The following USP40 variants were observed in gnomAD, a reference collection of about 807,000 sequenced individuals.
The protein encoded by USP40 is ubiquitin specific peptidase 40.
Under a neutral mutation model 166.2 loss-of-function variants are expected in USP40, and 143 were observed. The ratio of observed to expected loss-of-function variants is 0.86; its 90% CI spans 0.75 to 0.99. USP40 has a LOEUF of 0.99. Among genes scored for constraint, USP40 ranks in the 50% least tolerant of loss-of-function variants. The pLI is 0.00. For missense variants in USP40, 1,444 were observed against 1,479.7 expected, an observed-to-expected ratio of 0.98 and a Z score of 0.40; for synonymous variants, 498 against 524.0, an observed-to-expected ratio of 0.95 and a Z score of 0.68.
At position 233,564,739 on chromosome 2, in the gene USP40, G is replaced by A. The variant is rs2071981360; in HGVS notation, c.199+617C>T. The stretch of plus-strand genomic sequence containing the variant: ...ATATAAAATGTTACATTCCCAGCAG[G>A]GTCTGGGCCAGCTTCCATTAATCAA... On this transcript the variant is annotated intron_variant, in intron 2 of 31. Coordinates refer to ENST00000678225, the MANE Select transcript of USP40 (RefSeq NM_001365479.2). Among the ~76,000 whole-genome samples, 3 of 152,000 alleles carry A rather than the reference G, an allele frequency of 2.0e-5. No individual in the cohort carries two copies. The South Asian group carries it at 6.2e-4, about 32-fold the overall frequency.
intron 18 of USP40, among the ~76,000 whole-genome samples, chr2:233,515,076 G>A (rs1036259766): frequency 1.3e-5 from 2 of 152,182 alleles, no homozygotes; most frequent in African/African-American, 4.8e-5. Context: ...GTTGTATGTG[G>A]TGGAACTAGC....
rs774225087 is a variant in USP40 at position 233,485,808 on chromosome 2, A to T, written c.3367T>A (p.Tyr1123Asn). 2.5e-6 allele frequency: 4 copies of T among 1,612,170 alleles called. No individual in the cohort carries two copies. The South Asian group carries it at 4.4e-5, about 18-fold the overall frequency. Residue 1123 changes from tyrosine to asparagine, a missense_variant, in exon 29 of 32, where the codon TAC becomes AAC. Physicochemically the swap from Tyr to Asn is moderately radical, Grantham distance 143. Transcript: ENST00000678225. ...LPVEKIEIAK[Y>N]FPEKFEWLPI... ...AGCCACTCGAACTTTTCGGGAAAGT[A>T]TTTGGCAATTTCAATCTTCTCCACG...
chr2:233,540,648 A>G lies in USP40; in HGVS notation c.1170+14T>C, dbSNP rs2069318857. 6.4e-7 allele frequency: 1 copy of G among 1,572,326 alleles called. No homozygotes were observed. The highest frequency in any genetic ancestry group is 8.7e-7 in the Non-Finnish European group (1 of 1,147,348). On this transcript the variant is annotated intron_variant, in intron 10 of 31. Coordinates refer to ENST00000678225, the MANE Select transcript of USP40 (RefSeq NM_001365479.2). The stretch of plus-strand genomic sequence containing the variant: ...CTTGGGACTAGGACTTCCCAAAACG[A>G]TGCCATGTATTACCTTCCGCAGTGG...
chr2:233,477,562 G>A (rs1408989805), intron 31 of USP40, 59 bp from the exon 32 acceptor site: 1 of 1,451,112 alleles, frequency 6.9e-7, no homozygotes, highest in South Asian at 1.2e-5. Flanking sequence ...AGGGTGAGGG[G>A]TTCACGAAGA....
chr2:233,508,553 T>C (rs1286979477), intron 21 of USP40, among the ~76,000 whole-genome samples: 2 of 152,226 alleles, frequency 1.3e-5, no homozygotes, highest in Non-Finnish European at 2.9e-5. Flanking sequence ...ATGGGTATTG[T>C]TCTGAATTTC....
intron 7 of USP40, among the ~76,000 whole-genome samples, chr2:233,550,654 T>C (rs1045270412): frequency 3.3e-5 from 5 of 152,170 alleles, no homozygotes; most frequent in African/African-American, 1.2e-4. Flanking sequence ...AATAAACATA[T>C]AAGAATGATT....
chr2:233,520,914 G>C, intron 17 of USP40, 77 bp downstream of exon 17: 1 of 1,492,376 alleles, frequency 6.7e-7, no homozygotes, highest in Non-Finnish European at 9.0e-7. Context: ...TGTTCTGAAA[G>C]ATTAAGGTAT....
intron 24 of USP40, among the ~76,000 whole-genome samples, chr2:233,496,287 G>C (rs918790083): frequency 6.6e-6 from 1 of 152,214 alleles, no homozygotes; most frequent in Non-Finnish European, 1.5e-5. Flanking sequence ...AAAGGGCAGT[G>C]AAATGAGCCC....
intron 10 of USP40, among the ~76,000 whole-genome samples, chr2:233,534,233 C>G (rs2068773020): frequency 6.6e-6 from 1 of 152,146 alleles, no homozygotes; most frequent in African/African-American, 2.4e-5. Context: ...TATCTTTTAA[C>G]CTGGACTAAA....
intron 8 of USP40, among the ~76,000 whole-genome samples, chr2:233,547,983 A>G (rs1374977152): frequency 6.6e-6 from 1 of 152,156 alleles, no homozygotes; most frequent in Admixed American, 6.6e-5. Context: ...TTACAAAGCT[A>G]TGGAAATTGA....
intron 21 of USP40, among the ~76,000 whole-genome samples, chr2:233,509,188 T>A (rs1291227912): frequency 6.6e-6 from 1 of 152,180 alleles, no homozygotes; most frequent in African/African-American, 2.4e-5. Context: ...GAAAAAAAAT[T>A]TTTTAAGAAA....
chr2:233,563,815 T>C (rs1383859332), intron 2 of USP40, among the ~76,000 whole-genome samples: 4 of 152,168 alleles, frequency 2.6e-5, no homozygotes, highest in South Asian at 2.1e-4. Flanking sequence ...TGTCAAATCA[T>C]ATGCTTGGCC....
Position 233,566,745 on chromosome 2 carries a change from G to C in USP40, c.-81C>G, listed in dbSNP as rs1241398367. The stretch of plus-strand genomic sequence containing the variant: ...GAAGCGAACGAACCCGCCCCAACTG[G>C]GCGCCGCCATGTTGGCGAGGGCGGG... On this transcript the variant is annotated 5_prime_UTR_variant, in exon 1 of 32. Transcript: ENST00000678225. The C allele has an allele frequency of 1.4e-5, 14 of 985,964 alleles. No individual in the cohort carries two copies. Among genetic ancestry groups the C allele is most frequent in the Non-Finnish European group, 1.7e-5 (14 of 829,982 alleles). 61.1% of individuals were successfully genotyped at this position (985,964 alleles called of 1,614,324 possible). A position where few individuals can be genotyped will look rare whatever the true frequency, so the allele number is the denominator to read the frequency against.
rs577404037 is a variant in USP40 at position 233,493,387 on chromosome 2, A to C, written c.2917+38T>G. The C allele has an allele frequency of 6.8e-6, 11 of 1,613,846 alleles. No homozygotes were observed. The East Asian group carries it at 2.0e-4, about 29-fold the overall frequency. On this transcript the variant is annotated intron_variant, in intron 25 of 31. Coordinates refer to ENST00000678225, the MANE Select transcript of USP40 (RefSeq NM_001365479.2). This position sits in a 1 kb window ranked among gnomAD's most constrained non-coding sequence, Gnocchi z 4.7. ...ACAGGCAGTCAATTTACTTCTCTTT[A>C]TGATGCACTGGCTGCTGAAATCCCA... is the stretch of plus-strand genomic sequence containing the variant.
At chr2:233,516,943 T>C (rs1357543796) in intron 18 of USP40, among the ~76,000 whole-genome samples, 1 of 152,110 alleles carries the variant, frequency 6.6e-6, no homozygotes, top group African/African-American at 2.4e-5. Context: ...TTCTTAAATA[T>C]CTCACAGCAG....
chr2:233,563,568 T>C (rs1370546130), intron 2 of USP40, among the ~76,000 whole-genome samples: 1 of 152,118 alleles, frequency 6.6e-6, no homozygotes, highest in Non-Finnish European at 1.5e-5. Context: ...GAACTACAAA[T>C]CTACAAGTTA....
At chr2:233,527,216 G>A (rs1470369381) in intron 13 of USP40, among the ~76,000 whole-genome samples, 191 bp downstream of exon 13, 1 of 152,142 alleles carries the variant, frequency 6.6e-6, no homozygotes, top group African/African-American at 2.4e-5. Context: ...CTGCTGGTAG[G>A]AGCTGTGGAG....
chr2:233,478,926 C>T (rs1244858700), intron 31 of USP40, among the ~76,000 whole-genome samples: 2 of 152,084 alleles, frequency 1.3e-5, no homozygotes, highest in African/African-American at 2.4e-5. Context: ...GAGGGAGGTG[C>T]AGAGATTTCT....
At position 233,556,973 on chromosome 2, in the gene USP40, CT is replaced by C. The variant is rs766039543; in HGVS notation, c.427del (p.Ser143AlafsTer7). 6.2e-7 allele frequency: 1 copy of C among 1,613,914 alleles called. No homozygotes were observed. The highest frequency in any genetic ancestry group is 8.5e-7 in the Non-Finnish European group (1 of 1,179,854). On this transcript the variant is annotated frameshift_variant, in exon 5 of 32. Transcript: ENST00000678225. LOFTEE classifies it high-confidence loss of function. The part of the protein sequence containing the change: ...DVQELNRILF[S>X]ALETSLVGTS... The stretch of plus-strand genomic sequence containing the variant: ...CCCAACTAAAGAAGTTTCCAAAGCG[CT>C]GAAGAGGATTCGATTCAGTTCCTGC...
Sources: gnomAD v4.1 joint callset for allele counts (sites outside exome capture counted in the v4.1 genomes callset) on GRCh38, gnomAD v4.1.1 for gene constraint, Gnocchi (gnomAD v3.1) non-coding constraint, MANE v1.5 for transcripts, NCBI Gene and HGNC (gene_info 2026-07-23, HGNC 2026-07-21) for gene names.